The following MYO1B variants were observed in gnomAD, a reference collection of about 807,000 sequenced individuals.
MYO1B encodes the protein unconventional myosin-Ib.
In MYO1B, 72 loss-of-function variants were observed where a neutral mutation model predicts 159.7. The observed-to-expected ratio is 0.45, with a 90% CI of 0.37 to 0.55. The LOEUF (loss-of-function observed/expected upper bound fraction) is 0.55, where lower values mean the gene tolerates loss of function less well. Among genes scored for constraint, MYO1B ranks in the 20% least tolerant of loss-of-function variants. The pLI is 0.00. For synonymous variants in MYO1B, 468 were observed against 473.8 expected (o/e 0.99, Z 0.16); for missense variants, 1,062 against 1,364.8 (o/e 0.78, Z 3.50).
At chr2:191,370,376 G>A (rs1270894115) in intron 13 of MYO1B, 84 bp downstream of exon 13, 1 of 894,806 alleles carries the variant, frequency 1.1e-6, no homozygotes, top group East Asian at 2.5e-5. Flanking sequence ...GACATTATAA[G>A]TAACTGTAAC....
At position 191,400,458 on chromosome 2, in the gene MYO1B, A is replaced by G. The variant is rs115073525; in HGVS notation, c.2372A>G (p.His791Arg). The change falls in exon 22 of 31, where the codon CAT becomes CGT. Residue 791 changes from histidine (H) to arginine (R), a missense_variant. This residue lies in a region of MYO1B where 609 missense variants were observed against 744.4 expected (regional missense o/e 0.82). Transcript: ENST00000392318. Reference protein sequence around the residue: ...EAVTTIAAYWHGTQARRELRR... With the variant: ...EAVTTIAAYWRGTQARRELRR... ...GTCACGACCATTGCTGCATATTGGC[A>G]TGGGACCCAGGTAGGCCCGAGACCC... 177 of 1,614,178 alleles carry G rather than the reference A, an allele frequency of 1.1e-4. No individual in the cohort carries two copies. The African/African-American group carries it at 2.0e-3, about 19-fold the overall frequency.
chr2:191,295,602 A>T (rs1003543240), intron 2 of MYO1B, among the ~76,000 whole-genome samples: 1 of 152,196 alleles, frequency 6.6e-6, no homozygotes, highest in African/African-American at 2.4e-5. Context: ...ACGTGATCTG[A>T]GCCCATTGTG....
chr2:191,411,102 A>C lies in MYO1B; in HGVS notation c.2803A>C (p.Lys935Gln). 1 of 1,612,378 alleles carries C rather than the reference A, an allele frequency of 6.2e-7. No homozygotes were observed. Among genetic ancestry groups the C allele is most frequent in the Non-Finnish European group, 8.5e-7 (1 of 1,179,396 alleles). Residue 935 changes from lysine to glutamine, a missense_variant, in exon 27 of 31, where the codon AAA (lysine) becomes CAA (glutamine). Lys to Gln is a moderately conservative substitution (Grantham distance 53). Transcript: ENST00000392318. ...CAGGGACCAATTCACAGACCAGCAG[A>C]AACTTATTTATGAAGAGAAACTAGA... ...KYRDQFTDQQ[K>Q]LIYEEKLEAS...
chr2:191,423,659 G>A (rs1698083312), intron 30 of MYO1B, among the ~76,000 whole-genome samples, 178 bp from the exon 31 acceptor site: 1 of 152,148 alleles, frequency 6.6e-6, no homozygotes, highest in Admixed American at 6.5e-5. Flanking sequence ...TTTCCTTTAA[G>A]CATCATGTCA....
At chr2:191,313,225 T>G (rs1253622306) in intron 3 of MYO1B, among the ~76,000 whole-genome samples, 2 of 77,388 alleles carry the variant, frequency 2.6e-5, no homozygotes, top group African/African-American at 4.2e-5. Flanking sequence ...TTTTTTTTTT[T>G]TTGAGACGGA....
intron 1 of MYO1B, chr2:191,247,926 A>G (rs34765012): frequency 0.32 from 316,238 of 984,918 alleles, 51,906 homozygotes; most frequent in Middle Eastern, 0.46. Flanking sequence ...GCCTGGAGTT[A>G]AAGACTAACT....
intron 21 of MYO1B, among the ~76,000 whole-genome samples, chr2:191,399,534 T>C (rs1210294414): frequency 6.6e-6 from 1 of 152,186 alleles, no homozygotes; most frequent in Non-Finnish European, 1.5e-5. Context: ...TACTGATCCC[T>C]GATCTAGGTC....
At chr2:191,264,899 T>G (rs901983638) in intron 1 of MYO1B, among the ~76,000 whole-genome samples, 3 of 151,864 alleles carry the variant, frequency 2.0e-5, no homozygotes, top group Non-Finnish European at 4.4e-5. Flanking sequence ...TCCTAGGAGA[T>G]GATGTGTTAT....
intron 9 of MYO1B, 154 bp from the exon 10 acceptor site, chr2:191,363,574 G>C (rs968546749): frequency 2.0e-5 from 11 of 553,514 alleles, no homozygotes; most frequent in Non-Finnish European, 2.3e-5. Flanking sequence ...GGTACCCCCA[G>C]GGTTCCTCGA....
In MYO1B at chr2:191,400,456, G is replaced by T; in HGVS notation, c.2370G>T (p.Trp790Cys). 6.2e-7 allele frequency: 1 copy of T among 1,614,146 alleles called. No individual in the cohort carries two copies. Among genetic ancestry groups the T allele is most frequent in the Non-Finnish European group, 8.5e-7 (1 of 1,180,022 alleles). ...KEAVTTIAAYWHGTQARRELR... is the reference protein window; with the variant it reads ...KEAVTTIAAYCHGTQARRELR... ...CAGTCACGACCATTGCTGCATATTG[G>T]CATGGGACCCAGGTAGGCCCGAGAC... The change falls in exon 22 of 31, where the codon TGG becomes TGT. Residue 790 changes from tryptophan to cysteine, a missense_variant. By Grantham distance (215) the Trp-to-Cys change is radical. Coordinates refer to ENST00000392318, the MANE Select transcript of MYO1B (RefSeq NM_001130158.3).
chr2:191,387,729 A>G (rs1695479185), intron 17 of MYO1B: 2 of 430,898 alleles, frequency 4.6e-6, no homozygotes, highest in East Asian at 4.2e-5. Context: ...CTGTATGTTT[A>G]TTATTATTTT....
intron 4 of MYO1B, among the ~76,000 whole-genome samples, chr2:191,335,242 C>T (rs961157912): frequency 9.9e-5 from 15 of 152,222 alleles, no homozygotes; most frequent in African/African-American, 3.6e-4. Context: ...CTTATGGAAC[C>T]CAACAGCTTC....
intron 3 of MYO1B, among the ~76,000 whole-genome samples, chr2:191,304,714 T>C (rs564244433): frequency 4.6e-5 from 7 of 152,358 alleles, no homozygotes; most frequent in Admixed American, 2.6e-4. Flanking sequence ...CAGCCTAATG[T>C]TTTTATCATG....
In MYO1B at chr2:191,245,429, G is replaced by T. The variant is rs1437753199; in HGVS notation, c.-207G>T. 1 of 152,008 alleles carries T rather than the reference G, an allele frequency of 6.6e-6. No individual in the cohort carries two copies. The highest frequency in any genetic ancestry group is 2.4e-5 in the African/African-American group (1 of 41,414). 9.4% of individuals were successfully genotyped at this position (152,008 alleles called of 1,614,324 possible). A position where few individuals can be genotyped will look rare whatever the true frequency, so the allele number is the denominator to read the frequency against. ...GAGCACTCCGCAGCTGGGTGCGCAC[G>T]GGAGCCTCAACCGCGGCGCGTGGAG... is the stretch of plus-strand genomic sequence containing the variant. On this transcript the variant is annotated 5_prime_UTR_variant, in exon 1 of 31. Transcript: ENST00000392318.
chr2:191,419,807 T>A (rs1559253769), intron 30 of MYO1B, among the ~76,000 whole-genome samples: 1 of 152,220 alleles, frequency 6.6e-6, no homozygotes, highest in African/African-American at 2.4e-5. Context: ...AAAATTAAAA[T>A]TTTAAAAATA....
intron 3 of MYO1B, among the ~76,000 whole-genome samples, chr2:191,297,669 T>C (rs1459112348): frequency 1.3e-5 from 2 of 152,196 alleles, no homozygotes; most frequent in East Asian, 3.8e-4. Flanking sequence ...TATTGGTCAT[T>C]GGCATATTGG....
In MYO1B at chr2:191,418,482, ATTT is replaced by A. The variant is rs1159016855; in HGVS notation, c.3287+2262_3287+2264del. On this transcript the variant is annotated intron_variant, in intron 30 of 30. Transcript: ENST00000392318. ...CAAAGTCCTGTTTACTCTTTAGTGG[ATTT>A]TTTTTTTTTTTTTTTTTTTTTGAGG... is the stretch of plus-strand genomic sequence containing the variant. Among the ~76,000 whole-genome samples the A allele has an allele frequency of 6.8e-4, 55 of 81,064 alleles. 1 individual carries two copies. In the South Asian group the frequency reaches 0.014, roughly 21 times the overall value. 53.2% of individuals were successfully genotyped at this position (81,064 alleles called of 152,430 possible). A position where few individuals can be genotyped will look rare whatever the true frequency, so the allele number is the denominator to read the frequency against.
intron 30 of MYO1B, 167 bp downstream of exon 30, chr2:191,416,409 A>G (rs1697568104): frequency 1.3e-5 from 9 of 689,848 alleles, no homozygotes; most frequent in South Asian, 3.9e-5. Flanking sequence ...CAAGTCTCCA[A>G]CCTCATGTAC....
chr2:191,376,656 A>G (rs1016042752), intron 13 of MYO1B, among the ~76,000 whole-genome samples: 6 of 152,220 alleles, frequency 3.9e-5, no homozygotes, highest in African/African-American at 7.2e-5. Flanking sequence ...GTGCTGAACT[A>G]TAAGAAACAC....
Sources: gnomAD v4.1 joint callset for allele counts (sites outside exome capture counted in the v4.1 genomes callset) on GRCh38, gnomAD v4.1.1 for gene constraint, gnomAD v4.1.1 regional missense constraint, MANE v1.5 for transcripts, NCBI Gene and HGNC (gene_info 2026-07-23, HGNC 2026-07-21) for gene names.